Variants in FRMPD4 observed in about 807,000 individuals in gnomAD.
The protein encoded by FRMPD4 is FERM and PDZ domain-containing protein 4.
FRMPD4 carries 22 observed loss-of-function variants against 94.1 expected under a neutral mutation model. The ratio of observed to expected loss-of-function variants is 0.23; its 90% confidence interval spans 0.17 to 0.33. The LOEUF is 0.33. Ranked by LOEUF, FRMPD4 falls within the 10% of genes least tolerant of loss-of-function variation. The pLI is 1.00. For synonymous variants in FRMPD4, 631 were observed against 548.6 expected, an observed-to-expected ratio of 1.15 and a Z score of -2.10; for missense variants, 1,111 against 1,339.9, an observed-to-expected ratio of 0.83 and a Z score of 2.67.
At chrX:12,676,374 A>C (rs983121939) in intron 5 of FRMPD4, among the ~76,000 whole-genome samples, 3 of 112,774 alleles carry the variant, frequency 2.7e-5, no homozygotes, top group Non-Finnish European at 5.6e-5. Context: ...GCAGTGGACA[A>C]ATTCATTTGG....
intron 2 of FRMPD4, among the ~76,000 whole-genome samples, chrX:12,545,055 C>T (rs943774619): frequency 2.4e-4 from 27 of 110,740 alleles, no homozygotes; most frequent in Non-Finnish European, 4.7e-4. Context: ...CAGTTATTTC[C>T]ACTCCTATTG....
intron 1 of FRMPD4, among the ~76,000 whole-genome samples, chrX:12,339,980 C>T (rs761114322): frequency 8.9e-6 from 1 of 112,087 alleles, no homozygotes; most frequent in Non-Finnish European, 1.9e-5. Context: ...TGGGATTTTC[C>T]CTCTACTCAT....
At chrX:12,528,303 GT>G (rs1239485687) in intron 2 of FRMPD4, among the ~76,000 whole-genome samples, 1 of 91,935 alleles carries the variant, frequency 1.1e-5, no homozygotes, top group Non-Finnish European at 2.1e-5. Flanking sequence ...CTGTTAGTCT[GT>G]TTTTTTTTGT....
chrX:12,643,107 T>C (rs1038986760), intron 4 of FRMPD4, among the ~76,000 whole-genome samples: 20 of 109,052 alleles, frequency 1.8e-4, no homozygotes, highest in African/African-American at 6.6e-4. Context: ...GAAGGAGCCA[T>C]TGGAGGGTTT....
rs1252253120 is a variant in FRMPD4, at chrX:11,934,768, C to T, written c.95+56750C>T. ...TCCCAAGGCCTAGAACAGGGTCTGA[C>T]ACATGGCAGACAGTCAGTAAATATT... On this transcript the variant is annotated intron_variant, in intron 3 of 18. Coordinates refer to the FRMPD4 transcript ENST00000640291. Among the ~76,000 whole-genome samples, 3 of 112,037 alleles carry T rather than the reference C, an allele frequency of 2.7e-5. No homozygotes were observed. The Admixed American group carries it at 2.8e-4, about 11-fold the overall frequency.
At chrX:12,296,526 G>T (rs183117931) in intron 1 of FRMPD4, among the ~76,000 whole-genome samples, 8 of 112,013 alleles carry the variant, frequency 7.1e-5, no homozygotes, top group Non-Finnish European at 1.5e-4. Context: ...TGGTATACTG[G>T]AAATGGGAGT....
chrX:12,283,687 G>A (rs2054559326), intron 1 of FRMPD4, among the ~76,000 whole-genome samples: 1 of 108,412 alleles, frequency 9.2e-6, no homozygotes, highest in South Asian at 4.1e-4. Context: ...TTATCAGACT[G>A]GTGTAAAGAA....
rs141125109 is a variant in FRMPD4 at position 11,822,617 on chromosome X, C to A, written c.-259C>A. Among the ~76,000 whole-genome samples the A allele has an allele frequency of 4.5e-5, 5 of 112,323 alleles. No homozygotes were observed. The East Asian group carries it at 1.4e-3, about 32-fold the overall frequency. ...AATGAGATGTAAGCCAGGAGGCAAG[C>A]CTGAGGCTGAGACTCCACCAGGGAT... is the stretch of plus-strand genomic sequence containing the variant. On this transcript the variant is annotated 5_prime_UTR_variant, in exon 1 of 19. Transcript: ENST00000640291.
chrX:12,031,642 T>TA (rs2054692668), intron 3 of FRMPD4, among the ~76,000 whole-genome samples: 1 of 111,855 alleles, frequency 8.9e-6, no homozygotes, highest in African/African-American at 3.3e-5. Context: ...AGGCCAGTGA[T>TA]ACTTGTTAAA....
At chrX:11,958,954 T>TA (rs1309458239) in intron 3 of FRMPD4, among the ~76,000 whole-genome samples, 1 of 112,196 alleles carries the variant, frequency 8.9e-6, no homozygotes, top group African/African-American at 3.2e-5. Flanking sequence ...GTTTGGTAGT[T>TA]ATGTTTGGAC....
At chrX:12,427,047 T>G (rs1394096422) in intron 1 of FRMPD4, among the ~76,000 whole-genome samples, 1 of 111,666 alleles carries the variant, frequency 9.0e-6, no homozygotes, top group African/African-American at 3.3e-5. Flanking sequence ...ATATGTGAAG[T>G]GCTTAGGACA....
chrX:12,419,686 A>G (rs2056857337), intron 1 of FRMPD4, among the ~76,000 whole-genome samples: 1 of 111,015 alleles, frequency 9.0e-6, no homozygotes. Flanking sequence ...CACTGAACCT[A>G]TTTGCTCCAA....
At chrX:11,927,878 T>C (rs1232051982) in intron 3 of FRMPD4, among the ~76,000 whole-genome samples, 1 of 111,664 alleles carries the variant, frequency 9.0e-6, no homozygotes, top group African/African-American at 3.3e-5. Flanking sequence ...CAGAAACAAT[T>C]GCAACAAAAG....
At chrX:12,609,044 A>G (rs143510238) in intron 2 of FRMPD4, among the ~76,000 whole-genome samples, 1,298 of 112,656 alleles carry the variant, frequency 0.012, 9 homozygotes, top group Admixed American at 0.019. Context: ...TGTTATATGC[A>G]TTATACTCAT....
intron 1 of FRMPD4, among the ~76,000 whole-genome samples, chrX:12,220,186 AAAAC>A (rs2056850425): frequency 1.8e-5 from 2 of 111,429 alleles, no homozygotes; most frequent in South Asian, 7.6e-4. Context: ...ACAACACAAA[AAAAC>A]AAAAACAGAA....
intron 2 of FRMPD4, among the ~76,000 whole-genome samples, chrX:12,535,953 C>A (rs1441483764): frequency 9.1e-6 from 1 of 109,907 alleles, no homozygotes; most frequent in African/African-American, 3.3e-5. Flanking sequence ...TAAATGTAGT[C>A]ATTCTCCCCT....
intron 3 of FRMPD4, among the ~76,000 whole-genome samples, chrX:12,055,796 T>C (rs996776366): frequency 1.8e-5 from 2 of 111,433 alleles, no homozygotes; most frequent in Admixed American, 1.9e-4. Flanking sequence ...TAATATGATG[T>C]TTCTGGGTGA....
chrX:12,570,359 G>T (rs768946987), intron 2 of FRMPD4, among the ~76,000 whole-genome samples: 30 of 110,990 alleles, frequency 2.7e-4, no homozygotes, highest in South Asian at 1.5e-3. Flanking sequence ...TGTTGCCCAG[G>T]CAATGGCACG....
At chrX:12,135,193 C>T (rs973712782), upstream of FRMPD4, among the ~76,000 whole-genome samples, 2 of 111,572 alleles carry the variant, frequency 1.8e-5, no homozygotes, top group African/African-American at 6.5e-5. Context: ...TAGAGATCAT[C>T]CAGGTTAATA....
Sources: allele counts gnomAD v4.1 joint callset (sites outside exome capture counted in the v4.1 genomes callset), GRCh38; gene constraint gnomAD v4.1.1; transcripts MANE v1.5; gene names NCBI Gene and HGNC (gene_info 2026-07-23, HGNC 2026-07-21).